The following INVS variants were observed in gnomAD, a reference collection of about 807,000 sequenced individuals.
INVS encodes inversin, also known as inversion of embryo turning homolog.
A neutral mutation model predicts 108.8 loss-of-function variants in INVS; 86 were observed. The observed-to-expected ratio is 0.79, with a 90% confidence interval of 0.66 to 0.95. The LOEUF (loss-of-function observed/expected upper bound fraction) is 0.95, where lower values mean the gene tolerates loss of function less well. INVS is among the 40% of genes least tolerant of loss of function. The probability of loss-of-function intolerance (pLI) is 0.00; values close to 1 mark genes in which losing one functional copy is unlikely to be tolerated. For missense variants in INVS, 1,169 were observed against 1,297.4 expected, an observed-to-expected ratio of 0.90 and a Z score of 1.52; for synonymous variants, 455 against 473.5, an observed-to-expected ratio of 0.96 and a Z score of 0.51.
At chr9:100,156,567 G>A (rs750428342) in intron 3 of INVS, among the ~76,000 whole-genome samples, 3 of 151,876 alleles carry the variant, frequency 2.0e-5, no homozygotes, top group Admixed American at 6.6e-5. Context: ...ATGTGTTTCA[G>A]TTTAACTTCC....
At chr9:100,136,879 A>C (rs575543686) in intron 3 of INVS, among the ~76,000 whole-genome samples, 24 of 152,258 alleles carry the variant, frequency 1.6e-4, no homozygotes, top group African/African-American at 5.8e-4. Context: ...ATCTCTAATA[A>C]AAATACAAAA....
chr9:100,259,381 G>A (rs953142576), intron 10 of INVS, among the ~76,000 whole-genome samples: 7 of 152,070 alleles, frequency 4.6e-5, no homozygotes, highest in Non-Finnish European at 8.8e-5. Flanking sequence ...TGGGTGAGGT[G>A]ATGCCCCACC....
chr9:100,211,995 A>G (rs1217185310), intron 3 of INVS, among the ~76,000 whole-genome samples: 1 of 152,244 alleles, frequency 6.6e-6, no homozygotes, highest in Non-Finnish European at 1.5e-5. Flanking sequence ...CTTGACAATC[A>G]GAAGTTTAAG....
At chr9:100,145,824 G>A (rs762071845) in intron 3 of INVS, among the ~76,000 whole-genome samples, 3 of 152,152 alleles carry the variant, frequency 2.0e-5, no homozygotes, top group Non-Finnish European at 2.9e-5. Flanking sequence ...CGGATAAAAC[G>A]CGTCTCCTGT....
intron 13 of INVS, among the ~76,000 whole-genome samples, chr9:100,290,952 A>G (rs1041829913): frequency 2.6e-5 from 4 of 152,116 alleles, no homozygotes; most frequent in African/African-American, 4.8e-5. Flanking sequence ...GGCTCAAGCA[A>G]TCCTCTTGCC....
intron 3 of INVS, among the ~76,000 whole-genome samples, chr9:100,201,659 C>T (rs1830535294): frequency 6.6e-6 from 1 of 152,162 alleles, no homozygotes; most frequent in African/African-American, 2.4e-5. Context: ...TATTTCATCC[C>T]ACAACAAGAT....
chr9:100,164,535 A>G (rs183539394), intron 3 of INVS, among the ~76,000 whole-genome samples: 3 of 152,244 alleles, frequency 2.0e-5, no homozygotes, highest in Admixed American at 1.3e-4. Flanking sequence ...GGTCATGCTA[A>G]TCTTATTTCC....
At chr9:100,155,083 G>A (rs751605916) in intron 3 of INVS, among the ~76,000 whole-genome samples, 1 of 151,796 alleles carries the variant, frequency 6.6e-6, no homozygotes, top group Non-Finnish European at 1.5e-5. Context: ...AGGCCTGGTG[G>A]CACAGTAATC....
At chr9:100,263,784 A>G (rs1184624255) in intron 10 of INVS, among the ~76,000 whole-genome samples, 2 of 152,168 alleles carry the variant, frequency 1.3e-5, no homozygotes, top group Non-Finnish European at 2.9e-5. Context: ...ATTTTGGGAA[A>G]TGTTCTATGT....
intron 3 of INVS, among the ~76,000 whole-genome samples, chr9:100,171,522 T>A (rs1170866008): frequency 6.6e-6 from 1 of 152,190 alleles, no homozygotes; most frequent in Non-Finnish European, 1.5e-5. Context: ...TTATTGACTA[T>A]GAGGTAGAAA....
intron 2 of INVS, among the ~76,000 whole-genome samples, chr9:100,105,850 CTTTTTTTTTTTTT>C (rs543070811): frequency 4.7e-5 from 3 of 63,832 alleles, no homozygotes; most frequent in East Asian, 7.5e-4. Flanking sequence ...GAAAAATTCC[CTTTTTTTTTTTTT>C]TTTTTTTTTT....
intron 3 of INVS, among the ~76,000 whole-genome samples, chr9:100,142,656 G>C (rs547622492): frequency 9.9e-5 from 15 of 152,260 alleles, no homozygotes; most frequent in African/African-American, 3.4e-4. Context: ...GGAGCAGAGA[G>C]TATATGCATC....
chr9:100,297,177 A>G, intron 15 of INVS, 31 bp downstream of exon 15: 1 of 1,542,146 alleles, frequency 6.5e-7, no homozygotes, highest in Non-Finnish European at 9.0e-7. Flanking sequence ...TTTGTAGTTC[A>G]CAAGTACCCC....
At chr9:100,176,911 G>A (rs10988996) in intron 3 of INVS, among the ~76,000 whole-genome samples, 29,238 of 151,658 alleles carry the variant, frequency 0.19, 4,482 homozygotes, top group African/African-American at 0.43. Flanking sequence ...TATAGACAGC[G>A]GTCTTGTATT....
intron 5 of INVS, among the ~76,000 whole-genome samples, chr9:100,238,099 G>C (rs935152120): frequency 1.3e-5 from 2 of 151,900 alleles, no homozygotes; most frequent in African/African-American, 2.4e-5. Context: ...GACTGGTTTT[G>C]AACTCTTGGC....
At chr9:100,244,150 C>T (rs1187179096) in intron 7 of INVS, among the ~76,000 whole-genome samples, 1 of 152,204 alleles carries the variant, frequency 6.6e-6, no homozygotes, top group Admixed American at 6.5e-5. Context: ...GTATCCAGAA[C>T]AACTATTCCT....
chr9:100,139,783 A>G (rs78253127), intron 3 of INVS, among the ~76,000 whole-genome samples: 2 of 152,118 alleles, frequency 1.3e-5, no homozygotes, highest in African/African-American at 4.8e-5. Flanking sequence ...CTGGGACTAT[A>G]GGCACGTACC....
At chr9:100,259,671 G>C (rs1410067370) in intron 10 of INVS, among the ~76,000 whole-genome samples, 1 of 150,678 alleles carries the variant, frequency 6.6e-6, no homozygotes, top group Non-Finnish European at 1.5e-5. Flanking sequence ...CTGAGTAGCT[G>C]AGAGGGTACT....
chr9:100,286,724 CT>C (rs1833456001), intron 13 of INVS, among the ~76,000 whole-genome samples: 2 of 152,152 alleles, frequency 1.3e-5, no homozygotes, highest in South Asian at 4.1e-4. Flanking sequence ...TCCTTGAGTT[CT>C]TTCTTAGCTT....
Sources: gnomAD v4.1 joint callset for allele counts (sites outside exome capture counted in the v4.1 genomes callset) on GRCh38, gnomAD v4.1.1 for gene constraint, MANE v1.5 for transcripts, NCBI Gene and HGNC (gene_info 2026-07-23, HGNC 2026-07-21) for gene names.